The following TGFBR3 variants were observed in gnomAD, a reference collection of about 807,000 sequenced individuals.
TGFBR3 encodes the protein transforming growth factor beta receptor type 3.
A neutral mutation model predicts 87.9 loss-of-function variants in TGFBR3; 46 were observed. The observed-to-expected ratio is 0.52, with a 90% CI of 0.41 to 0.67. The LOEUF (loss-of-function observed/expected upper bound fraction) is 0.67. Among genes scored for constraint, TGFBR3 ranks in the 30% least tolerant of loss-of-function variants. The pLI is 0.00. For missense variants in TGFBR3, 866 were observed against 1,041.9 expected (o/e 0.83, Z 2.32); for synonymous variants, 381 against 391.6 (o/e 0.97, Z 0.32).
At chr1:91,699,877 G>A (rs890342855) in intron 14 of TGFBR3, among the ~76,000 whole-genome samples, 7 of 152,346 alleles carry the variant, frequency 4.6e-5, no homozygotes, top group Middle Eastern at 3.4e-3. Context: ...ATTATCCTCA[G>A]CAGTGAGGCT....
chr1:91,824,744 G>A (rs972299594), intron 2 of TGFBR3, among the ~76,000 whole-genome samples: 16 of 152,088 alleles, frequency 1.1e-4, no homozygotes, highest in South Asian at 2.1e-4. Context: ...GGTGGATCAC[G>A]AGGTCACGAG....
At chr1:91,880,605 AT>A (rs1462756451) in intron 1 of TGFBR3, among the ~76,000 whole-genome samples, 2 of 152,054 alleles carry the variant, frequency 1.3e-5, no homozygotes, top group African/African-American at 2.4e-5. Context: ...CCCAAAAAAA[AT>A]AAAAATAAAA....
chr1:91,794,598 T>C (rs962038786), intron 3 of TGFBR3, among the ~76,000 whole-genome samples: 1 of 152,250 alleles, frequency 6.6e-6, no homozygotes, highest in Non-Finnish European at 1.5e-5. Flanking sequence ...ACTTTGTCTC[T>C]ATAAATTTCT....
Position 91,835,827 on chromosome 1 carries a change from C to CAAAAAAA in TGFBR3, c.61+25637_61+25643dup, listed in dbSNP as rs57326419. Among the ~76,000 whole-genome samples, 44 of 74,760 alleles carry CAAAAAAA rather than the reference C, an allele frequency of 5.9e-4. 5 individuals carry two copies. Among genetic ancestry groups the CAAAAAAA allele is most frequent in the Non-Finnish European group, 9.6e-4 (33 of 34,262 alleles). The allele number at this position is 74,760 out of a possible 152,430, so 49.0% of individuals were successfully genotyped here. On this transcript the variant is annotated intron_variant, in intron 2 of 16. Transcript: ENST00000212355. Reference sequence around the variant, plus strand: ...TGGGTGACAGAGCGAGACTCCACCTCAAAAAAAAAAAAAAAAAAAAAAAAA... The same window carrying CAAAAAAA: ...TGGGTGACAGAGCGAGACTCCACCTCAAAAAAAAAAAAAAAAAAAAAAAAAAAAAAAA...
chr1:91,728,580 C>G (rs1339032922), intron 6 of TGFBR3, among the ~76,000 whole-genome samples: 1 of 152,168 alleles, frequency 6.6e-6, no homozygotes, highest in African/African-American at 2.4e-5. Context: ...GCTTTACACA[C>G]TTGTAAAGCA....
intron 2 of TGFBR3, among the ~76,000 whole-genome samples, chr1:91,898,731 C>A (rs1045088219): frequency 6.6e-6 from 1 of 152,116 alleles, no homozygotes; most frequent in East Asian, 1.9e-4. Flanking sequence ...GCGAACACGT[C>A]TGGCTGATCA....
intron 2 of TGFBR3, among the ~76,000 whole-genome samples, chr1:91,819,909 G>T (rs1338267357): frequency 6.6e-6 from 1 of 152,196 alleles, no homozygotes; most frequent in Admixed American, 6.5e-5. Flanking sequence ...TCAGATGAGG[G>T]TTCAAATCTT....
At chr1:91,844,284 G>A (rs1180898804) in intron 2 of TGFBR3, among the ~76,000 whole-genome samples, 1 of 152,186 alleles carries the variant, frequency 6.6e-6, no homozygotes, top group Admixed American at 6.5e-5. Flanking sequence ...AAGTCAGAGG[G>A]AGTATCAGTT....
intron 16 of TGFBR3, 117 bp from the exon 17 acceptor site, chr1:91,683,974 G>T: frequency 1.1e-6 from 1 of 944,578 alleles, no homozygotes; most frequent in Non-Finnish European, 1.6e-6. Context: ...CTCAACCAGG[G>T]CAGAAGCAAC....
intron 4 of TGFBR3, among the ~76,000 whole-genome samples, chr1:91,735,174 G>T (rs959928072): frequency 3.9e-5 from 6 of 152,186 alleles, no homozygotes; most frequent in African/African-American, 1.4e-4. Flanking sequence ...ATGTCCCTCT[G>T]AACTCTGAAA....
intron 1 of TGFBR3, among the ~76,000 whole-genome samples, chr1:91,903,442 TTATC>T (rs1250162792): frequency 2.0e-5 from 3 of 151,236 alleles, no homozygotes; most frequent in African/African-American, 2.4e-5. Flanking sequence ...CAAATTCTGA[TTATC>T]TATAAGAATT....
At chr1:91,884,001 G>C (rs906598070) in intron 1 of TGFBR3, among the ~76,000 whole-genome samples, 1 of 152,122 alleles carries the variant, frequency 6.6e-6, no homozygotes, top group African/African-American at 2.4e-5. Context: ...ACAATGTCTG[G>C]AGAATTAATA....
chr1:91,680,647 G>T lies in TGFBR3; in HGVS notation c.*3092C>A, dbSNP rs1216634502. 4 of 453,852 alleles carry T rather than the reference G, an allele frequency of 8.8e-6. No homozygotes were observed. The highest frequency in any genetic ancestry group is 1.3e-5 in the Non-Finnish European group (3 of 226,778). The allele number at this position is 453,852 out of a possible 1,614,324, so 28.1% of individuals were successfully genotyped here. A position where few individuals can be genotyped will look rare whatever the true frequency, so the allele number is the denominator to read the frequency against. ...CTGTCAGTTTCATGAACAACCCCCA[G>T]ATAAAACAAACATGAAAAAAATCAC... On this transcript the variant is annotated 3_prime_UTR_variant, in exon 17 of 17. Transcript: ENST00000212355.
chr1:91,808,123 G>C (rs1240450774), intron 2 of TGFBR3, among the ~76,000 whole-genome samples: 1 of 152,062 alleles, frequency 6.6e-6, no homozygotes, highest in Non-Finnish European at 1.5e-5. Context: ...GCACTGGAAA[G>C]ACTTAAAATA....
At chr1:91,756,494 T>G (rs543691317) in intron 4 of TGFBR3, among the ~76,000 whole-genome samples, 28 of 120,138 alleles carry the variant, frequency 2.3e-4, no homozygotes, top group Non-Finnish European at 4.6e-4. Flanking sequence ...TAGTTCTTCA[T>G]CTATAAGAAA....
chr1:91,734,409 T>C (rs1672884261), intron 5 of TGFBR3, among the ~76,000 whole-genome samples: 1 of 152,228 alleles, frequency 6.6e-6, no homozygotes. Context: ...ACCCATTCAT[T>C]CTGCCAGCTC....
chr1:91,861,727 A>T, intron 1 of TGFBR3, 83 bp from the exon 2 acceptor site: 1 of 638,470 alleles, frequency 1.6e-6, no homozygotes. Flanking sequence ...AGAATTTCTG[A>T]AAAGCGTAAT....
At chr1:91,714,795 A>T (rs1370527629) in intron 12 of TGFBR3, among the ~76,000 whole-genome samples, 1 of 152,240 alleles carries the variant, frequency 6.6e-6, no homozygotes, top group Non-Finnish European at 1.5e-5. Flanking sequence ...AAGCAAGAGA[A>T]AAACAGCCAT....
chr1:91,700,227 A>T (rs1671575664), intron 14 of TGFBR3, among the ~76,000 whole-genome samples: 1 of 152,158 alleles, frequency 6.6e-6, no homozygotes, highest in Non-Finnish European at 1.5e-5. Flanking sequence ...TACTCTTTGG[A>T]GTTTAAAAGT....
Sources: allele counts gnomAD v4.1 joint callset (sites outside exome capture counted in the v4.1 genomes callset), GRCh38; gene constraint gnomAD v4.1.1; transcripts MANE v1.5; gene names NCBI Gene and HGNC (gene_info 2026-07-23, HGNC 2026-07-21).